FAM13A: variants seen among roughly 807,000 people sequenced by gnomAD.
FAM13A encodes the protein family with sequence similarity 13 member A, also known as protein FAM13A.
In FAM13A, 76 loss-of-function variants were observed where a neutral mutation model predicts 129.6. The observed-to-expected ratio is 0.59, with a 90% CI of 0.49 to 0.71. FAM13A has a LOEUF of 0.71. Among genes scored for constraint, FAM13A ranks in the 30% least tolerant of loss-of-function variants. The pLI, the probability that FAM13A is intolerant of heterozygous loss-of-function variation, is 0.00. For missense variants in FAM13A, 1,108 were observed against 1,249.3 expected (o/e 0.89, Z 1.70); for synonymous variants, 443 against 449.9 (o/e 0.98, Z 0.20).
At chr4:88,823,906 C>T (rs1732544036) in intron 7 of FAM13A, among the ~76,000 whole-genome samples, 1 of 152,188 alleles carries the variant, frequency 6.6e-6, no homozygotes, top group East Asian at 1.9e-4. Flanking sequence ...TTTCAACTTA[C>T]TATTTCTGCA....
chr4:88,945,322 C>T (rs1255134487), intron 4 of FAM13A, among the ~76,000 whole-genome samples: 2 of 152,098 alleles, frequency 1.3e-5, no homozygotes, highest in African/African-American at 2.4e-5. Flanking sequence ...GAACTACATG[C>T]GGAGTTGAAT....
At chr4:88,813,929 T>A (rs1730158438) in intron 7 of FAM13A, among the ~76,000 whole-genome samples, 1 of 152,234 alleles carries the variant, frequency 6.6e-6, no homozygotes, top group Non-Finnish European at 1.5e-5. Context: ...CCATGATCGA[T>A]ACACAGGCTA....
chr4:88,749,249 CA>C (rs1161323346), intron 16 of FAM13A, among the ~76,000 whole-genome samples: 1 of 152,174 alleles, frequency 6.6e-6, no homozygotes, highest in Non-Finnish European at 1.5e-5. Context: ...TCCTCAGAGG[CA>C]AAATGCATCT....
chr4:88,828,529 A>G (rs950705252), intron 7 of FAM13A, among the ~76,000 whole-genome samples: 1 of 152,086 alleles, frequency 6.6e-6, no homozygotes, highest in Non-Finnish European at 1.5e-5. Flanking sequence ...TTATTATTTG[A>G]ATCTGCTGTA....
At chr4:88,946,526 A>G (rs1755912293) in intron 4 of FAM13A, among the ~76,000 whole-genome samples, 1 of 148,852 alleles carries the variant, frequency 6.7e-6, no homozygotes, top group African/African-American at 2.5e-5. Flanking sequence ...TAGAATTACT[A>G]TCTACTTATT....
At chr4:88,824,854 C>G (rs1732697870) in intron 7 of FAM13A, among the ~76,000 whole-genome samples, 2 of 152,006 alleles carry the variant, frequency 1.3e-5, no homozygotes, top group African/African-American at 4.8e-5. Context: ...ATTACAGGCG[C>G]CCGCCACCAT....
chr4:88,880,450 G>A (rs933238562), intron 6 of FAM13A, among the ~76,000 whole-genome samples: 5 of 152,086 alleles, frequency 3.3e-5, no homozygotes, highest in Non-Finnish European at 1.5e-5. Flanking sequence ...TGGTCCACAG[G>A]GAAGCCATTT....
At chr4:88,982,258 C>T (rs1424271591) in intron 4 of FAM13A, among the ~76,000 whole-genome samples, 1 of 152,240 alleles carries the variant, frequency 6.6e-6, no homozygotes, top group Non-Finnish European at 1.5e-5. Flanking sequence ...TAAGTGAGAA[C>T]TATGACAACT....
chr4:89,039,793 A>T (rs1044595847), intron 1 of FAM13A, among the ~76,000 whole-genome samples: 16 of 152,162 alleles, frequency 1.1e-4, no homozygotes, highest in African/African-American at 3.6e-4. Flanking sequence ...TACCAAAAAA[A>T]ATTTTTTTTA....
chr4:88,790,699 G>T, intron 8 of FAM13A, 72 bp from the exon 9 acceptor site: 3 of 1,305,772 alleles, frequency 2.3e-6, no homozygotes, highest in African/African-American at 1.5e-5. Flanking sequence ...CATGTGAAGT[G>T]GATCGCAGGC....
At chr4:88,936,999 T>A (rs1373879931) in intron 5 of FAM13A, 1 of 152,170 alleles carries the variant, frequency 6.6e-6, no homozygotes, top group Non-Finnish European at 1.5e-5. Flanking sequence ...TTAACTTTTC[T>A]GAGGCAAAAC....
intron 7 of FAM13A, among the ~76,000 whole-genome samples, chr4:88,842,260 A>G (rs1448512001): frequency 6.6e-6 from 1 of 152,218 alleles, no homozygotes; most frequent in African/African-American, 2.4e-5. Context: ...AAAGTGGGAG[A>G]AGGACACTCC....
At chr4:88,777,269 T>C (rs961997157) in intron 11 of FAM13A, among the ~76,000 whole-genome samples, 6 of 152,242 alleles carry the variant, frequency 3.9e-5, no homozygotes, top group Non-Finnish European at 7.4e-5. Flanking sequence ...TAGAGGTTAG[T>C]TTTAGAATTT....
rs993082013 is a variant in FAM13A at position 88,981,406 on chromosome 4, G to A, written c.605+9567C>T. 2.2e-4 allele frequency among the ~76,000 whole-genome samples: 34 copies of A among 151,944 alleles called. 1 individual carries two copies. Among genetic ancestry groups the A allele is most frequent in the Admixed American group, 6.6e-5 (1 of 15,244 alleles). On this transcript the variant is annotated intron_variant, in intron 4 of 23. Coordinates refer to ENST00000264344, the MANE Select transcript of FAM13A (RefSeq NM_014883.4). The stretch of plus-strand genomic sequence containing the variant: ...GATTTTTAAATACACTCTAAACAAC[G>A]GCAAATAAAAAATATTTAGGTATTT...
rs1736886973 is a variant in FAM13A, at chr4:88,728,680, A to T, written c.2946-21T>A. The T allele has an allele frequency of 3.7e-6, 6 of 1,611,786 alleles. No individual in the cohort carries two copies. In the South Asian group the frequency reaches 6.6e-5, roughly 18 times the overall value. ...CATTTCTAATGCAAATAAAGGAAAAAGGGGTCTGAGGATCATTTTCTGTCT... is the reference window on the plus strand; with the variant it reads ...CATTTCTAATGCAAATAAAGGAAAATGGGGTCTGAGGATCATTTTCTGTCT... On this transcript the variant is annotated intron_variant, in intron 23 of 23. Transcript: ENST00000264344.
intron 6 of FAM13A, among the ~76,000 whole-genome samples, chr4:88,895,950 G>T (rs1305640375): frequency 6.8e-6 from 1 of 148,124 alleles, no homozygotes; most frequent in Non-Finnish European, 1.5e-5. Flanking sequence ...AAATCATGCT[G>T]CTATAAAGAC....
chr4:88,988,992 G>A (rs908662307), intron 4 of FAM13A, among the ~76,000 whole-genome samples: 2 of 152,080 alleles, frequency 1.3e-5, no homozygotes, highest in African/African-American at 4.8e-5. Flanking sequence ...AGGATCACTC[G>A]AGGTCAGGAG....
chr4:88,814,973 A>G lies in FAM13A; in HGVS notation c.1008-9921T>C, dbSNP rs140403783. On this transcript the variant is annotated intron_variant, in intron 7 of 23. Coordinates refer to ENST00000264344, the MANE Select transcript of FAM13A (RefSeq NM_014883.4). Reference sequence around the variant, plus strand: ...GACCCTCCTACCTCAGCTTGTAGGTAGGACTACAGGCATATGCCACCATGC... The same window carrying G: ...GACCCTCCTACCTCAGCTTGTAGGTGGGACTACAGGCATATGCCACCATGC... 3.6e-3 allele frequency among the ~76,000 whole-genome samples: 547 copies of G among 152,022 alleles called. 3 individuals are homozygous for G. Among genetic ancestry groups the G allele is most frequent in the African/African-American group, 0.013 (525 of 41,460 alleles).
intron 4 of FAM13A, among the ~76,000 whole-genome samples, chr4:88,956,812 C>G (rs1757819782): frequency 6.6e-6 from 1 of 152,184 alleles, no homozygotes; most frequent in Non-Finnish European, 1.5e-5. Context: ...TTATCTGACT[C>G]TCCGGCCACC....
Sources: gnomAD v4.1 joint callset for allele counts (sites outside exome capture counted in the v4.1 genomes callset) on GRCh38, gnomAD v4.1.1 for gene constraint, MANE v1.5 for transcripts, NCBI Gene and HGNC (gene_info 2026-07-23, HGNC 2026-07-21) for gene names.